The following CIB4 variants were observed in gnomAD, a reference collection of about 807,000 sequenced individuals.
The protein encoded by CIB4 is calcium and integrin-binding family member 4.
Under a neutral mutation model 25.8 loss-of-function variants are expected in CIB4, and 25 were observed. The ratio of observed to expected loss-of-function variants is 0.97; its 90% CI spans 0.71 to 1.35. The LOEUF is 1.35. Ranked by LOEUF, CIB4 falls within the 40% of genes most tolerant of loss-of-function variation. The pLI, the probability that CIB4 is intolerant of heterozygous loss-of-function variation, is 0.00. For synonymous variants in CIB4, 75 were observed against 81.4 expected, an observed-to-expected ratio of 0.92 and a Z score of 0.42; for missense variants, 235 against 228.2, an observed-to-expected ratio of 1.03 and a Z score of -0.19.
At chr2:26,612,768 C>T (rs1000866) in intron 3 of CIB4, among the ~76,000 whole-genome samples, 103,386 of 152,076 alleles carry the variant, frequency 0.68, 35,402 homozygotes, top group African/African-American at 0.75. Flanking sequence ...CTCCCCGTGA[C>T]GACTTTCCTG....
chr2:26,582,592 C>T (rs540943594), intron 6 of CIB4, among the ~76,000 whole-genome samples: 11 of 152,300 alleles, frequency 7.2e-5, no homozygotes, highest in East Asian at 1.9e-4. Context: ...GGAGCTGTGA[C>T]GTCATTCCCA....
chr2:26,634,005 C>G (rs952772505), intron 2 of CIB4, among the ~76,000 whole-genome samples: 3 of 152,192 alleles, frequency 2.0e-5, no homozygotes, highest in Non-Finnish European at 4.4e-5. Context: ...CCATTTACCC[C>G]CTTGCCTCTG....
intron 4 of CIB4, among the ~76,000 whole-genome samples, chr2:26,593,421 C>T (rs1219095790): frequency 6.7e-6 from 1 of 149,348 alleles, no homozygotes; most frequent in Non-Finnish European, 1.5e-5. Flanking sequence ...TATACACACA[C>T]ATATATATAC....
intron 2 of CIB4, among the ~76,000 whole-genome samples, chr2:26,634,615 C>G (rs999426496): frequency 2.0e-5 from 3 of 152,198 alleles, no homozygotes; most frequent in African/African-American, 7.2e-5. Context: ...GGGTAAGACA[C>G]TCCCCCGTGT....
At chr2:26,605,896 A>G (rs1668880091) in intron 3 of CIB4, among the ~76,000 whole-genome samples, 1 of 152,208 alleles carries the variant, frequency 6.6e-6, no homozygotes, top group Non-Finnish European at 1.5e-5. Flanking sequence ...TTTTGACTCC[A>G]TCGAGCATTT....
intron 3 of CIB4, among the ~76,000 whole-genome samples, chr2:26,600,703 G>A (rs1241415512): frequency 6.6e-6 from 1 of 152,100 alleles, no homozygotes; most frequent in Non-Finnish European, 1.5e-5. Context: ...GTATTTTAGT[G>A]CCTTTTAAAA....
At position 26,589,060 on chromosome 2, in the gene CIB4, C is replaced by CTTCTTCTTCTTCTTCTTCTTCTTCT. The variant is rs762556634; in HGVS notation, c.329-5163_329-5162insAGAAGAAGAAGAAGAAGAAGAAGAA. ...CTTCTTCTTCTTCTTCTTCTTCTTC[C>CTTCTTCTTCTTCTTCTTCTTCTTCT]TCTTCCTCTTCCTCTTCTTCTTCTT... On this transcript the variant is annotated intron_variant, in intron 4 of 6. Transcript: ENST00000288861. Among the ~76,000 whole-genome samples, 2 of 36,498 alleles carry CTTCTTCTTCTTCTTCTTCTTCTTCT rather than the reference C, an allele frequency of 5.5e-5. 1 individual carries two copies. Among genetic ancestry groups the CTTCTTCTTCTTCTTCTTCTTCTTCT allele is most frequent in the African/African-American group, 2.4e-4 (2 of 8,272 alleles). 23.9% of individuals were successfully genotyped at this position (36,498 alleles called of 152,430 possible). A position where few individuals can be genotyped will look rare whatever the true frequency, so the allele number is the denominator to read the frequency against.
intron 3 of CIB4, among the ~76,000 whole-genome samples, chr2:26,601,232 ATATATATATAT>A (rs1490635899): frequency 0.022 from 1,008 of 45,370 alleles, 82 homozygotes; most frequent in South Asian, 0.044. Context: ...AAAAAAAAAA[ATATATATATAT>A]ATATATATAT....
At chr2:26,629,586 C>T in intron 2 of CIB4, 80 bp from the exon 3 acceptor site, 1 of 937,256 alleles carries the variant, frequency 1.1e-6, no homozygotes, top group Non-Finnish European at 1.7e-6. Context: ...GGCCAGCAAG[C>T]CTGTCTCCTG....
At chr2:26,621,278 A>C (rs575454600) in intron 3 of CIB4, among the ~76,000 whole-genome samples, 1 of 150,616 alleles carries the variant, frequency 6.6e-6, no homozygotes, top group East Asian at 2.0e-4. Flanking sequence ...AAAACAGGGA[A>C]TGAAAAAAGA....
At position 26,583,786 on chromosome 2, in the gene CIB4, C is replaced by T. The variant is rs775421015; in HGVS notation, c.438+3G>A. 2 of 1,592,618 alleles carry T rather than the reference C, an allele frequency of 1.3e-6. No individual in the cohort carries two copies. The highest frequency in any genetic ancestry group is 1.3e-5 in the African/African-American group (1 of 74,602). ...CCACCAACTCCCAGCCCCCAGCACACACGTGGTTCGTGAGGTCCATCAGGA... is the reference window on the plus strand; with the variant it reads ...CCACCAACTCCCAGCCCCCAGCACATACGTGGTTCGTGAGGTCCATCAGGA... On this transcript the variant is annotated splice_donor_region_variant and intron_variant, in intron 5 of 6. Transcript: ENST00000288861.
At position 26,629,550 on chromosome 2, in the gene CIB4, C is replaced by T. The variant is rs573771942; in HGVS notation, c.90-44G>A. The T allele has an allele frequency of 2.2e-6, 3 of 1,354,462 alleles. No individual in the cohort carries two copies. In the East Asian group the frequency reaches 7.5e-5, roughly 34 times the overall value. 83.9% of individuals were successfully genotyped at this position (1,354,462 alleles called of 1,614,324 possible). ...AGACCGTGTGGCCGGGGAAAGGAGG[C>T]CAGCACTGTGTGGCCGGGGAAAGGA... On this transcript the variant is annotated intron_variant, in intron 2 of 6. Coordinates refer to ENST00000288861, the MANE Select transcript of CIB4 (RefSeq NM_001029881.3).
chr2:26,599,848 G>C (rs1318385808), intron 3 of CIB4, among the ~76,000 whole-genome samples: 1 of 152,102 alleles, frequency 6.6e-6, no homozygotes, highest in African/African-American at 2.4e-5. Context: ...GCAGAGGTGG[G>C]TGGATCACGA....
In CIB4 at chr2:26,583,867, C is replaced by T; in HGVS notation, c.360G>A (p.Glu120=). 2.5e-6 allele frequency: 4 copies of T among 1,612,730 alleles called. No individual in the cohort carries two copies. The highest frequency in any genetic ancestry group is 1.7e-4 in the Middle Eastern group (1 of 5,892). Residue 120 remains glutamate (E), a synonymous_variant, in exon 5 of 7, where the codon GAG becomes GAA. Transcript: ENST00000288861. ...DFNENGFIDE[E]DLQRIILRLL... ...GTCGCAGGATGATCCTCTGCAGATC[C>T]TCCTCATCAATGAAGCCATTCTCAT...
intron 3 of CIB4, among the ~76,000 whole-genome samples, chr2:26,609,339 A>C (rs1429442537): frequency 6.6e-6 from 1 of 151,946 alleles, no homozygotes; most frequent in Non-Finnish European, 1.5e-5. Context: ...AGCGGATGCA[A>C]ATGCTACAAG....
At chr2:26,581,953 C>T (rs1323804804) in intron 6 of CIB4, among the ~76,000 whole-genome samples, 1 of 152,218 alleles carries the variant, frequency 6.6e-6, no homozygotes, top group East Asian at 1.9e-4. Context: ...GAGGTATAAA[C>T]TTGACCACTG....
intron 3 of CIB4, among the ~76,000 whole-genome samples, chr2:26,600,067 G>C (rs1278822438): frequency 4.4e-5 from 1 of 22,606 alleles, no homozygotes; most frequent in Admixed American, 6.1e-4. Context: ...GCGAGACTCT[G>C]TCTCAAAAAA....
intron 2 of CIB4, among the ~76,000 whole-genome samples, chr2:26,638,769 A>G (rs1272155633): frequency 5.3e-5 from 8 of 152,198 alleles, no homozygotes; most frequent in East Asian, 3.9e-4. Flanking sequence ...CCTGGCCAAC[A>G]TGGTGAAACC....
Position 26,589,042 on chromosome 2 carries a change from T to TTCTTCCTCTTCC in CIB4, c.329-5145_329-5144insGGAAGAGGAAGA, listed in dbSNP as rs1558554717. On this transcript the variant is annotated intron_variant, in intron 4 of 6. Transcript: ENST00000288861. ...CTTCTTCTTCTTCTTCTTCTTCTTC[T>TTCTTCCTCTTCC]TCTTCTTCTTCTTCTTCCTCTTCCT... Among the ~76,000 whole-genome samples the TTCTTCCTCTTCC allele has an allele frequency of 6.5e-4, 31 of 47,432 alleles. 3 individuals are homozygous for TTCTTCCTCTTCC. Among genetic ancestry groups the TTCTTCCTCTTCC allele is most frequent in the African/African-American group, 2.3e-3 (26 of 11,424 alleles). 31.1% of individuals were successfully genotyped at this position (47,432 alleles called of 152,430 possible).
Sources: gnomAD v4.1 joint callset for allele counts (sites outside exome capture counted in the v4.1 genomes callset) on GRCh38, gnomAD v4.1.1 for gene constraint, MANE v1.5 for transcripts, NCBI Gene and HGNC (gene_info 2026-07-23, HGNC 2026-07-21) for gene names.